NUP62CL: variants seen among roughly 807,000 people sequenced by gnomAD.
NUP62CL encodes nucleoporin-62 C-terminal-like protein.
A neutral mutation model predicts 15.3 loss-of-function variants in NUP62CL; 13 were observed. The ratio of observed to expected loss-of-function variants is 0.85; its 90% confidence interval spans 0.55 to 1.35. The LOEUF is 1.35. NUP62CL is among the 40% of genes most tolerant of loss of function. The pLI, the probability that NUP62CL is intolerant of heterozygous loss-of-function variation, is 0.00. For missense variants in NUP62CL, 123 were observed against 130.6 expected, an observed-to-expected ratio of 0.94 and a Z score of 0.28; for synonymous variants, 54 against 49.2, an observed-to-expected ratio of 1.10 and a Z score of -0.41.
chrX:107,157,426 T>A (rs1926229971), intron 4 of NUP62CL, among the ~76,000 whole-genome samples: 2 of 107,571 alleles, frequency 1.9e-5, no homozygotes, highest in Admixed American at 9.9e-5. Flanking sequence ...TAACAGCGGA[T>A]CTCTCAGCAG....
chrX:107,151,976 G>A, intron 7 of NUP62CL, among the ~76,000 whole-genome samples: 1 of 98,712 alleles, frequency 1.0e-5, no homozygotes, highest in Non-Finnish European at 2.0e-5. Context: ...GTTGCAGTGA[G>A]CCGAGATCGT....
intron 2 of NUP62CL, among the ~76,000 whole-genome samples, chrX:107,182,290 A>T (rs1926937313): frequency 1.8e-5 from 2 of 112,188 alleles, no homozygotes; most frequent in Non-Finnish European, 3.8e-5. Flanking sequence ...CTGGGCTCTG[A>T]TGCCAGTAGC....
intron 8 of NUP62CL, among the ~76,000 whole-genome samples, chrX:107,127,213 T>A (rs1006648674): frequency 3.8e-4 from 42 of 111,659 alleles, no homozygotes; most frequent in Non-Finnish European, 7.3e-4. Flanking sequence ...AGGCCACATA[T>A]AATATGATTC....
chrX:107,178,309 A>G (rs746557226), intron 2 of NUP62CL, among the ~76,000 whole-genome samples: 1 of 111,900 alleles, frequency 8.9e-6, no homozygotes, highest in East Asian at 2.8e-4. Flanking sequence ...TACATTTTAA[A>G]TGGCTGTACA....
Position 107,124,306 on chromosome X carries a change from C to G in NUP62CL, c.*69G>C, listed in dbSNP as rs1450293741. ...CGATAATCCTCGAAAACCCGTGTTA[C>G]CACTTCTACCTTCCTTCGCAGCATG... On this transcript the variant is annotated 3_prime_UTR_variant, in exon 9 of 9. Coordinates refer to ENST00000372466, the MANE Select transcript of NUP62CL (RefSeq NM_017681.3). The G allele has an allele frequency of 1.5e-5, 5 of 341,488 alleles. No individual in the cohort carries two copies. The Admixed American group carries it at 1.6e-4, about 11-fold the overall frequency. 28.1% of individuals were successfully genotyped at this position (341,488 alleles called of 1,213,427 possible).
At chrX:107,199,129 G>A (rs1269605222) in intron 1 of NUP62CL, among the ~76,000 whole-genome samples, 1 of 111,008 alleles carries the variant, frequency 9.0e-6, no homozygotes, top group Non-Finnish European at 1.9e-5. Context: ...AATATAAAGG[G>A]GAAAAGATAA....
At chrX:107,174,978 G>T in intron 3 of NUP62CL, 111 bp downstream of exon 3, 1 of 616,839 alleles carries the variant, frequency 1.6e-6, no homozygotes, top group Non-Finnish European at 2.7e-6. Flanking sequence ...TTATAAATGG[G>T]TTCAAGAATA....
intron 2 of NUP62CL, among the ~76,000 whole-genome samples, chrX:107,176,849 T>G (rs1412478724): frequency 9.0e-6 from 1 of 111,451 alleles, no homozygotes; most frequent in African/African-American, 3.3e-5. Context: ...TAATGAATAA[T>G]CTACAGTAAC....
At chrX:107,166,192 A>T (rs942859030) in intron 4 of NUP62CL, among the ~76,000 whole-genome samples, 2 of 111,879 alleles carry the variant, frequency 1.8e-5, no homozygotes. Flanking sequence ...AGTACATAAC[A>T]AACTCTGAAA....
chrX:107,149,542 A>T (rs1602641894), intron 7 of NUP62CL, among the ~76,000 whole-genome samples: 1 of 57,177 alleles, frequency 1.7e-5, no homozygotes, highest in Admixed American at 1.9e-4. Flanking sequence ...GACATTTTGC[A>T]AAAAGAAGGA....
intron 3 of NUP62CL, among the ~76,000 whole-genome samples, chrX:107,168,339 A>G (rs987635855): frequency 1.8e-5 from 2 of 111,516 alleles, no homozygotes; most frequent in East Asian, 2.8e-4. Flanking sequence ...ATTTCTTTAT[A>G]CCACAGCCAA....
At chrX:107,198,586 C>T (rs182661024) in intron 1 of NUP62CL, among the ~76,000 whole-genome samples, 1 of 111,474 alleles carries the variant, frequency 9.0e-6, no homozygotes, top group Non-Finnish European at 1.9e-5. Context: ...CAACTCTGGA[C>T]GCACCACCTT....
intron 8 of NUP62CL, among the ~76,000 whole-genome samples, chrX:107,125,980 C>A (rs976528086): frequency 9.0e-6 from 1 of 111,512 alleles, no homozygotes; most frequent in Admixed American, 9.5e-5. Context: ...AAAACTGCAC[C>A]TAGGTACTTA....
intron 3 of NUP62CL, among the ~76,000 whole-genome samples, chrX:107,174,037 TTC>T (rs747292732): frequency 0.012 from 1,191 of 97,961 alleles, 24 homozygotes; most frequent in African/African-American, 0.042. Context: ...TTTTCTTTCT[TTC>T]TCTCTCTCTC....
intron 1 of NUP62CL, among the ~76,000 whole-genome samples, chrX:107,198,808 C>T (rs887789333): frequency 1.8e-5 from 2 of 112,225 alleles, no homozygotes; most frequent in African/African-American, 6.5e-5. Flanking sequence ...CTGTAATACT[C>T]ACCGCGAGGG....
intron 8 of NUP62CL, among the ~76,000 whole-genome samples, chrX:107,138,249 G>A (rs938620229): frequency 3.6e-5 from 4 of 110,964 alleles, no homozygotes; most frequent in Non-Finnish European, 5.7e-5. Flanking sequence ...GGGGATATGG[G>A]GCTAGGCAAA....
intron 4 of NUP62CL, among the ~76,000 whole-genome samples, chrX:107,156,463 T>A (rs1387333967): frequency 9.4e-5 from 10 of 106,399 alleles, no homozygotes; most frequent in Non-Finnish European, 1.7e-4. Context: ...CTCAAGTGGG[T>A]CCCTGACCCC....
intron 4 of NUP62CL, among the ~76,000 whole-genome samples, chrX:107,163,530 T>C (rs1926439372): frequency 9.0e-6 from 1 of 111,695 alleles, no homozygotes. Context: ...TAAATATAAA[T>C]GTGCTAAACA....
At chrX:107,127,334 A>G (rs150248839) in intron 8 of NUP62CL, among the ~76,000 whole-genome samples, 1 of 111,825 alleles carries the variant, frequency 8.9e-6, no homozygotes, top group East Asian at 2.8e-4. Flanking sequence ...GCCAAGAGAA[A>G]ATTTTGGCGG....
Sources: allele counts gnomAD v4.1 joint callset (sites outside exome capture counted in the v4.1 genomes callset), GRCh38; gene constraint gnomAD v4.1.1; transcripts MANE v1.5; gene names NCBI Gene and HGNC (gene_info 2026-07-23, HGNC 2026-07-21).